The following BTRC variants were observed in gnomAD, a reference collection of about 807,000 sequenced individuals.
BTRC encodes F-box/WD repeat-containing protein 1A.
BTRC carries 42 observed loss-of-function variants against 85.5 expected under a neutral mutation model. That is an observed-to-expected ratio of 0.49 (90% CI 0.38 to 0.64). The LOEUF (loss-of-function observed/expected upper bound fraction) is 0.64. Ranked by LOEUF, BTRC falls within the 30% of genes least tolerant of loss-of-function variation. The pLI is 0.00. For missense variants in BTRC, 594 were observed against 743.5 expected (o/e 0.80, Z 2.34); for synonymous variants, 255 against 263.3 (o/e 0.97, Z 0.30).
At chr10:101,460,872 T>G (rs533778406) in intron 2 of BTRC, among the ~76,000 whole-genome samples, 2 of 152,148 alleles carry the variant, frequency 1.3e-5, no homozygotes, top group African/African-American at 4.8e-5. Flanking sequence ...TATGACTATA[T>G]GTAATGTAAG....
intron 13 of BTRC, among the ~76,000 whole-genome samples, chr10:101,548,487 CAT>C (rs2062593640): frequency 6.6e-6 from 1 of 152,190 alleles, no homozygotes; most frequent in African/African-American, 2.4e-5. Context: ...CTCAGTGGCT[CAT>C]GTCTGTAATC....
chr10:101,461,916 G>A (rs934818057), intron 2 of BTRC, 65 bp from the exon 3 acceptor site: 1 of 1,190,240 alleles, frequency 8.4e-7, no homozygotes, highest in African/African-American at 1.5e-5. Flanking sequence ...ATGTAATTCA[G>A]TTTACTCCCA....
In BTRC at chr10:101,389,115, G is replaced by GTTTTTTTTTTTTTTTTT. The variant is rs1471017781; in HGVS notation, c.48+34888_48+34889insTTTTTTTTTTTTTTTTT. Among the ~76,000 whole-genome samples the GTTTTTTTTTTTTTTTTT allele has an allele frequency of 4.5e-4, 16 of 35,468 alleles. 6 individuals carry two copies. Among genetic ancestry groups the GTTTTTTTTTTTTTTTTT allele is most frequent in the Non-Finnish European group, 5.4e-4 (11 of 20,252 alleles). 23.3% of individuals were successfully genotyped at this position (35,468 alleles called of 152,430 possible). A position where few individuals can be genotyped will look rare whatever the true frequency, so the allele number is the denominator to read the frequency against. ...ATGTTGCATAATTGTGATTTTTTGT[G>GTTTTTTTTTTTTTTTTT]TGTGTTTTTTTTTTTTTTTTTTTTT... is the stretch of plus-strand genomic sequence containing the variant. On this transcript the variant is annotated intron_variant, in intron 1 of 14. Transcript: ENST00000370187.
intron 8 of BTRC, 112 bp from the exon 9 acceptor site, chr10:101,532,840 A>T: frequency 1.1e-6 from 1 of 888,734 alleles, no homozygotes; most frequent in Non-Finnish European, 1.8e-6. Flanking sequence ...AATGCATTCC[A>T]CACTACTCTG....
At chr10:101,364,099 A>G (rs1942294536) in intron 1 of BTRC, among the ~76,000 whole-genome samples, 2 of 151,600 alleles carry the variant, frequency 1.3e-5, no homozygotes, top group Non-Finnish European at 2.9e-5. Flanking sequence ...GCAGTGATCT[A>G]GTACAGTTGA....
intron 1 of BTRC, among the ~76,000 whole-genome samples, chr10:101,386,405 C>G (rs1943080521): frequency 6.6e-6 from 1 of 152,122 alleles, no homozygotes; most frequent in Non-Finnish European, 1.5e-5. Context: ...AAACATTTAT[C>G]TTCTTTTCTT....
chr10:101,416,546 A>AGTTGTT (rs778752998), intron 1 of BTRC, among the ~76,000 whole-genome samples: 1 of 151,840 alleles, frequency 6.6e-6, no homozygotes, highest in African/African-American at 2.4e-5. Flanking sequence ...TGAAAGCCTG[A>AGTTGTT]GTTGTTGTTG....
chr10:101,516,776 A>G (rs984459711), intron 4 of BTRC, among the ~76,000 whole-genome samples: 4 of 152,124 alleles, frequency 2.6e-5, no homozygotes, highest in African/African-American at 9.7e-5. Flanking sequence ...GATTATAGCA[A>G]TATCTCGTTT....
chr10:101,418,351 G>C (rs1023325867), intron 1 of BTRC, among the ~76,000 whole-genome samples: 2 of 151,934 alleles, frequency 1.3e-5, no homozygotes, highest in Non-Finnish European at 2.9e-5. Context: ...CTGGGTGACA[G>C]AGCAAGACTC....
chr10:101,387,526 GAC>G (rs1294282594), intron 1 of BTRC, among the ~76,000 whole-genome samples: 2 of 25,388 alleles, frequency 7.9e-5, no homozygotes, highest in African/African-American at 3.1e-4. Context: ...ACCTTCATGG[GAC>G]TTTTTTTTTT....
chr10:101,369,382 G>A (rs1036244039), intron 1 of BTRC, among the ~76,000 whole-genome samples: 36 of 151,954 alleles, frequency 2.4e-4, no homozygotes, highest in African/African-American at 8.2e-4. Flanking sequence ...TTTTTTGTGT[G>A]CCAGGACTCC....
Position 101,538,328 on chromosome 10 carries a change from A to AC in BTRC, c.1618dup (p.Arg540ProfsTer25), listed in dbSNP as rs1175736346. ...GTGTGGGATCTTGTGGCTGCTTTGG[A>AC]CCCCCGTGCTCCTGCAGGGACACTC... is the stretch of plus-strand genomic sequence containing the variant. On this transcript the variant is annotated frameshift_variant, in exon 13 of 15. Transcript: ENST00000370187. LOFTEE classifies it high-confidence loss of function. The AC allele has an allele frequency of 6.2e-7, 1 of 1,613,506 alleles. No individual in the cohort carries two copies. Among genetic ancestry groups the AC allele is most frequent in the Non-Finnish European group, 8.5e-7 (1 of 1,179,922 alleles).
intron 7 of BTRC, 22 bp downstream of exon 7, chr10:101,531,355 G>C: frequency 1.3e-6 from 2 of 1,531,300 alleles, no homozygotes; most frequent in Non-Finnish European, 1.8e-6. Flanking sequence ...TGTATTTTGG[G>C]GTATTGCCCA....
At chr10:101,388,401 CA>C (rs2133975723) in intron 1 of BTRC, among the ~76,000 whole-genome samples, 1 of 151,464 alleles carries the variant, frequency 6.6e-6, no homozygotes, top group Non-Finnish European at 1.5e-5. Context: ...CTCTGTTGCC[CA>C]GCTGTTCTCG....
At chr10:101,394,921 A>G (rs889071080) in intron 1 of BTRC, among the ~76,000 whole-genome samples, 4 of 152,218 alleles carry the variant, frequency 2.6e-5, no homozygotes, top group African/African-American at 9.6e-5. Context: ...TGAATGAGTC[A>G]TAGCAGTTAC....
chr10:101,475,953 A>ATATATATATATT lies in BTRC; in HGVS notation c.235-3414_235-3413insATATATATATTT, dbSNP rs1265691229. 1.2e-3 allele frequency among the ~76,000 whole-genome samples: 157 copies of ATATATATATATT among 133,704 alleles called. 2 individuals carry two copies. Among genetic ancestry groups the ATATATATATATT allele is most frequent in the African/African-American group, 3.0e-3 (103 of 33,906 alleles). 87.7% of individuals were successfully genotyped at this position (133,704 alleles called of 152,430 possible). A position where few individuals can be genotyped will look rare whatever the true frequency, so the allele number is the denominator to read the frequency against. ...TATATATATATATATATATATATAT[A>ATATATATATATT]TTCAGTAATTCCTAAGGGGAAAATA... On this transcript the variant is annotated intron_variant, in intron 3 of 14. Coordinates refer to ENST00000370187, the MANE Select transcript of BTRC (RefSeq NM_033637.4).
At chr10:101,453,811 G>A (rs1328117534) in intron 2 of BTRC, among the ~76,000 whole-genome samples, 1 of 152,162 alleles carries the variant, frequency 6.6e-6, no homozygotes, top group Non-Finnish European at 1.5e-5. Flanking sequence ...CTCAAAGTTA[G>A]GAATGCTTTG....
chr10:101,497,293 T>A (rs1162204633), intron 4 of BTRC, among the ~76,000 whole-genome samples: 1 of 152,250 alleles, frequency 6.6e-6, no homozygotes, highest in East Asian at 1.9e-4. Context: ...TATTCTTGGT[T>A]ATTTTCATTT....
At chr10:101,476,024 A>G (rs1244525886) in intron 3 of BTRC, among the ~76,000 whole-genome samples, 2 of 147,636 alleles carry the variant, frequency 1.4e-5, no homozygotes, top group Non-Finnish European at 3.0e-5. Flanking sequence ...TAGCTGTATA[A>G]TCAAGGCTAA....
Sources: gnomAD v4.1 joint callset for allele counts (sites outside exome capture counted in the v4.1 genomes callset) on GRCh38, gnomAD v4.1.1 for gene constraint, MANE v1.5 for transcripts, NCBI Gene and HGNC (gene_info 2026-07-23, HGNC 2026-07-21) for gene names.